The following DLGAP1 variants were observed in gnomAD, a reference collection of about 807,000 sequenced individuals.
DLGAP1 encodes disks large-associated protein 1.
In DLGAP1, 11 loss-of-function variants were observed where a neutral mutation model predicts 90.8. That is an observed-to-expected ratio of 0.12 (90% CI 0.08 to 0.20). The LOEUF (loss-of-function observed/expected upper bound fraction) is 0.20. DLGAP1 is among the 10% of genes least tolerant of loss of function. DLGAP1 has a pLI of 1.00. For synonymous variants in DLGAP1, 558 were observed against 540.7 expected (o/e 1.03, Z -0.44); for missense variants, 1,050 against 1,333.8 (o/e 0.79, Z 3.31).
intron 1 of DLGAP1, among the ~76,000 whole-genome samples, chr18:4,339,800 G>A (rs2081149605): frequency 6.6e-6 from 1 of 152,030 alleles, no homozygotes; most frequent in Admixed American, 6.5e-5. Flanking sequence ...GAATGTACAA[G>A]TCCTGCCAAT....
At chr18:3,531,493 C>CT (rs1441228418) in intron 10 of DLGAP1, among the ~76,000 whole-genome samples, 3 of 151,412 alleles carry the variant, frequency 2.0e-5, no homozygotes, top group African/African-American at 7.3e-5. Context: ...AATATTTTAC[C>CT]TTTTTTTGAG....
At chr18:3,636,402 T>C (rs909361246) in intron 7 of DLGAP1, among the ~76,000 whole-genome samples, 1 of 151,638 alleles carries the variant, frequency 6.6e-6, no homozygotes, top group Non-Finnish European at 1.5e-5. Context: ...AATTATACTT[T>C]TGTATATAAT....
At chr18:3,564,252 C>T (rs2054310386) in intron 9 of DLGAP1, among the ~76,000 whole-genome samples, 1 of 152,152 alleles carries the variant, frequency 6.6e-6, no homozygotes, top group East Asian at 1.9e-4. Flanking sequence ...TAGTCTCAGC[C>T]TTTTGGTGAG....
In DLGAP1 at chr18:4,455,178, C is replaced by T. The variant is rs1206538796; in HGVS notation, c.-439G>A. 6.6e-6 allele frequency: 1 copy of T among 151,452 alleles called. No homozygotes were observed. The highest frequency in any genetic ancestry group is 2.4e-5 in the African/African-American group (1 of 41,364). 9.4% of individuals were successfully genotyped at this position (151,452 alleles called of 1,614,324 possible). On this transcript the variant is annotated 5_prime_UTR_variant, in exon 1 of 13. Coordinates refer to ENST00000315677, the MANE Select transcript of DLGAP1 (RefSeq NM_004746.4). ...GCGGCCGTTCGCGCCGCCTATGCTGCCGATTCCCCGAGGCGGAAGGTGTCC... is the reference window on the plus strand; with the variant it reads ...GCGGCCGTTCGCGCCGCCTATGCTGTCGATTCCCCGAGGCGGAAGGTGTCC...
Position 3,693,736 on chromosome 18 carries a change from A to G in DLGAP1, c.1591+35399T>C, listed in dbSNP as rs893273550. Among the ~76,000 whole-genome samples, 4 of 152,228 alleles carry G rather than the reference A, an allele frequency of 2.6e-5. No individual in the cohort carries two copies. The East Asian group carries it at 7.7e-4, about 29-fold the overall frequency. ...AAAATGGAAGTATTATTCTCTGCTG[A>G]AAATCTGTTTATTGAAAAGGACAAA... On this transcript the variant is annotated intron_variant, in intron 7 of 12. Transcript: ENST00000315677.
At chr18:3,551,589 CTTTCTT>C (rs1555677323) in intron 9 of DLGAP1, among the ~76,000 whole-genome samples, 1,670 of 124,406 alleles carry the variant, frequency 0.013, 75 homozygotes, top group African/African-American at 0.046. Flanking sequence ...TCTTTTCTTT[CTTTCTT>C]TTTCTTTTTC....
chr18:4,405,883 A>G (rs2082652646), intron 1 of DLGAP1, among the ~76,000 whole-genome samples: 1 of 152,182 alleles, frequency 6.6e-6, no homozygotes, highest in African/African-American at 2.4e-5. Flanking sequence ...GAATTGGACA[A>G]AAAGTACAAA....
chr18:3,931,432 T>G (rs1207652839), intron 3 of DLGAP1, among the ~76,000 whole-genome samples: 1 of 151,950 alleles, frequency 6.6e-6, no homozygotes, highest in Non-Finnish European at 1.5e-5. Flanking sequence ...GGGTGGAAAA[T>G]GGTCAGATGG....
intron 1 of DLGAP1, among the ~76,000 whole-genome samples, chr18:4,365,674 G>A (rs918646319): frequency 2.0e-5 from 3 of 152,076 alleles, no homozygotes; most frequent in South Asian, 2.1e-4. Context: ...CTTAAATTGA[G>A]CTATTCCGTG....
intron 1 of DLGAP1, among the ~76,000 whole-genome samples, chr18:4,377,435 C>A (rs942364766): frequency 6.6e-6 from 1 of 152,074 alleles, no homozygotes; most frequent in Admixed American, 6.6e-5. Context: ...CTAAAATGAA[C>A]TTTAGTGATT....
intron 4 of DLGAP1, among the ~76,000 whole-genome samples, chr18:3,838,327 T>G (rs932713926): frequency 4.6e-5 from 7 of 152,234 alleles, no homozygotes; most frequent in Non-Finnish European, 8.8e-5. Context: ...TTAAGAAATA[T>G]TCTGTTGTAT....
At chr18:3,724,590 A>C (rs2062091130) in intron 7 of DLGAP1, among the ~76,000 whole-genome samples, 1 of 151,442 alleles carries the variant, frequency 6.6e-6, no homozygotes, top group Non-Finnish European at 1.5e-5. Context: ...CCAAAAATAC[A>C]AAAAATTATC....
Position 3,986,967 on chromosome 18 carries a change from C to T in DLGAP1, c.-73+18149G>A, listed in dbSNP as rs142441021. 1.5e-3 allele frequency among the ~76,000 whole-genome samples: 227 copies of T among 152,230 alleles called. 3 individuals carry two copies. The South Asian group carries it at 0.024, about 16-fold the overall frequency. Reference sequence around the variant, plus strand: ...TGAAAAGTTAATGCTCGACACAGGACGAGGCTCTGACTACGCAGAGCCATT... The same window carrying T: ...TGAAAAGTTAATGCTCGACACAGGATGAGGCTCTGACTACGCAGAGCCATT... On this transcript the variant is annotated intron_variant, in intron 3 of 12. Coordinates refer to ENST00000315677, the MANE Select transcript of DLGAP1 (RefSeq NM_004746.4).
intron 4 of DLGAP1, among the ~76,000 whole-genome samples, chr18:3,831,487 C>T (rs1842076599): frequency 6.6e-6 from 1 of 152,174 alleles, no homozygotes; most frequent in Admixed American, 6.5e-5. Flanking sequence ...GAGTTTCCAT[C>T]CATATGAGCA....
intron 8 of DLGAP1, among the ~76,000 whole-genome samples, chr18:3,579,982 C>T (rs1255235365): frequency 6.6e-6 from 1 of 152,040 alleles, no homozygotes. Flanking sequence ...TTATGTGGCT[C>T]GATGACCCCG....
At chr18:3,886,822 T>A (rs2071328827) in intron 3 of DLGAP1, among the ~76,000 whole-genome samples, 1 of 152,236 alleles carries the variant, frequency 6.6e-6, no homozygotes, top group Non-Finnish European at 1.5e-5. Flanking sequence ...GGAACATAAC[T>A]TGAAACGGCA....
intron 1 of DLGAP1, among the ~76,000 whole-genome samples, chr18:4,380,799 T>G (rs1456995249): frequency 2.0e-5 from 3 of 152,188 alleles, no homozygotes; most frequent in Non-Finnish European, 2.9e-5. Flanking sequence ...GATACATCTT[T>G]GTCATTTGAT....
At chr18:4,099,512 T>C (rs890715181) in intron 2 of DLGAP1, among the ~76,000 whole-genome samples, 1 of 152,150 alleles carries the variant, frequency 6.6e-6, no homozygotes, top group African/African-American at 2.4e-5. Flanking sequence ...CAGCATATTG[T>C]CTTAAAAATA....
chr18:4,129,391 C>T (rs2144190381), intron 2 of DLGAP1, among the ~76,000 whole-genome samples: 1 of 152,204 alleles, frequency 6.6e-6, no homozygotes, highest in Non-Finnish European at 1.5e-5. Flanking sequence ...TGCAGTATCT[C>T]AGCATTGTCT....
Sources: allele counts gnomAD v4.1 joint callset (sites outside exome capture counted in the v4.1 genomes callset), GRCh38; gene constraint gnomAD v4.1.1; transcripts MANE v1.5; gene names NCBI Gene and HGNC (gene_info 2026-07-23, HGNC 2026-07-21).